CCL28: variants seen among roughly 807,000 people sequenced by gnomAD.
CCL28 encodes C-C motif chemokine 28.
In CCL28, 4 loss-of-function variants were observed where a neutral mutation model predicts 7.1. The ratio of observed to expected loss-of-function variants is 0.56; its 90% CI spans 0.28 to 1.29. The LOEUF (loss-of-function observed/expected upper bound fraction) is 1.29. Among genes scored for constraint, CCL28 ranks in the 50% most tolerant of loss-of-function variants. The pLI is 0.11. For synonymous variants in CCL28, 55 were observed against 57.8 expected (o/e 0.95, Z 0.22); for missense variants, 151 against 163.4 (o/e 0.92, Z 0.41).
chr5:43,363,007 C>G, the CCL28 span, among the ~76,000 whole-genome samples: 4 of 152,202 alleles, frequency 2.6e-5, no homozygotes, highest in African/African-American at 7.2e-5. Context: ...TTGGGGTGCA[C>G]ATACACTAAC....
chr5:43,357,005 C>A, the CCL28 span, among the ~76,000 whole-genome samples: 4 of 152,198 alleles, frequency 2.6e-5, no homozygotes, highest in Non-Finnish European at 5.9e-5. Context: ...TTGCTCACCT[C>A]TGCAGGTTAG....
At chr5:43,403,059 GC>G (rs2111873962) in intron 1 of CCL28, among the ~76,000 whole-genome samples, 1 of 152,350 alleles carries the variant, frequency 6.6e-6, no homozygotes, top group South Asian at 2.1e-4. Context: ...AGGCCTGCCT[GC>G]CTCTGTAGAC....
intron 1 of CCL28, among the ~76,000 whole-genome samples, chr5:43,389,900 TG>T (rs1740502807): frequency 6.6e-6 from 1 of 152,208 alleles, no homozygotes; most frequent in African/African-American, 2.4e-5. Context: ...GAATGTAAAC[TG>T]GGTAGTTCCG....
At chr5:43,393,352 T>C (rs1740661368) in intron 1 of CCL28, among the ~76,000 whole-genome samples, 1 of 151,738 alleles carries the variant, frequency 6.6e-6, no homozygotes, top group Non-Finnish European at 1.5e-5. Flanking sequence ...TTCCGTTTTT[T>C]TTTTTCTTTT....
intron 1 of CCL28, chr5:43,397,397 A>C: frequency 6.8e-6 from 1 of 146,678 alleles, no homozygotes; most frequent in Non-Finnish European, 1.5e-5. Flanking sequence ...TGTTATTGGG[A>C]TTATGCCAGT....
the CCL28 span, among the ~76,000 whole-genome samples, chr5:43,360,185 T>C: frequency 2.6e-5 from 4 of 152,272 alleles, no homozygotes; most frequent in South Asian, 6.2e-4. Flanking sequence ...AAAACTCAAA[T>C]GTCAACATTG....
At chr5:43,383,197 A>G (rs1421887928) in intron 2 of CCL28, among the ~76,000 whole-genome samples, 1 of 152,192 alleles carries the variant, frequency 6.6e-6, no homozygotes, top group East Asian at 1.9e-4. Context: ...TAACTAGAAT[A>G]ATTTTTTTTG....
chr5:43,377,431 G>A (rs1739921405), downstream of CCL28: 1 of 151,118 alleles, frequency 6.6e-6, no homozygotes, highest in African/African-American at 2.4e-5. Context: ...GGCAAAGGTT[G>A]GGGTGAACTG....
rs1740027227 is a variant in CCL28, at chr5:43,379,725, T to A, written c.*2135A>T. On this transcript the variant is annotated 3_prime_UTR_variant, in exon 3 of 3. Transcript: ENST00000361115. ...CCACCTGATAAAGTGGCTCCTGCTC[T>A]CTATTGGCTTCTTATGAACACTACT... is the stretch of plus-strand genomic sequence containing the variant. The A allele has an allele frequency of 6.6e-6, 1 of 152,190 alleles. No homozygotes were observed. Among genetic ancestry groups the A allele is most frequent in the African/African-American group, 2.4e-5 (1 of 41,438 alleles). The allele number at this position is 152,190 out of a possible 1,614,324, so 9.4% of individuals were successfully genotyped here. A position where few individuals can be genotyped will look rare whatever the true frequency, so the allele number is the denominator to read the frequency against.
chr5:43,392,394 G>A (rs1740610358), intron 1 of CCL28, among the ~76,000 whole-genome samples: 1 of 152,182 alleles, frequency 6.6e-6, no homozygotes, highest in African/African-American at 2.4e-5. Context: ...TGAGATTACA[G>A]GTGTGAGCCA....
chr5:43,374,780 C>CA (rs10540720), downstream of CCL28, among the ~76,000 whole-genome samples: 2,012 of 109,294 alleles, frequency 0.018, 42 homozygotes, highest in African/African-American at 0.055. Flanking sequence ...GACTCTGTCT[C>CA]AAAAAAAAAA....
At chr5:43,402,544 C>T (rs1266538347) in intron 1 of CCL28, among the ~76,000 whole-genome samples, 3 of 152,114 alleles carry the variant, frequency 2.0e-5, no homozygotes, top group East Asian at 1.9e-4. Context: ...TGGTGTGTGC[C>T]GGTTCCAAGA....
chr5:43,391,980 CT>C (rs1223815948), intron 1 of CCL28, among the ~76,000 whole-genome samples: 1 of 152,132 alleles, frequency 6.6e-6, no homozygotes, highest in East Asian at 1.9e-4. Context: ...CTCCTTGGGG[CT>C]TGTGTGAGAA....
chr5:43,383,527 G>A (rs1740207075), intron 2 of CCL28, among the ~76,000 whole-genome samples: 1 of 151,996 alleles, frequency 6.6e-6, no homozygotes, highest in Non-Finnish European at 1.5e-5. Flanking sequence ...TGAAAGAAGT[G>A]GAGCATCTTA....
intron 1 of CCL28, among the ~76,000 whole-genome samples, chr5:43,391,294 A>T (rs1339619826): frequency 6.6e-6 from 1 of 152,226 alleles, no homozygotes; most frequent in African/African-American, 2.4e-5. Flanking sequence ...AAAAAGGCAG[A>T]TTCATGCAAA....
At chr5:43,408,804 A>G (rs1741412249) in intron 1 of CCL28, among the ~76,000 whole-genome samples, 2 of 152,074 alleles carry the variant, frequency 1.3e-5, no homozygotes, top group Admixed American at 1.3e-4. Context: ...TTGAAAATAC[A>G]CTAAGTATTT....
At chr5:43,408,674 C>A (rs963427643) in intron 1 of CCL28, among the ~76,000 whole-genome samples, 46 of 151,952 alleles carry the variant, frequency 3.0e-4, no homozygotes, top group Non-Finnish European at 1.2e-4. Context: ...TGTGGGTTCA[C>A]ATTGCTAAAT....
intron 1 of CCL28, among the ~76,000 whole-genome samples, chr5:43,405,555 A>G (rs910951320): frequency 2.6e-5 from 4 of 152,238 alleles, no homozygotes; most frequent in Non-Finnish European, 5.9e-5. Context: ...GAAAGATCTA[A>G]AATTGACACC....
At chr5:43,362,391 G>A in the CCL28 span, among the ~76,000 whole-genome samples, 6 of 152,144 alleles carry the variant, frequency 3.9e-5, no homozygotes, top group African/African-American at 1.2e-4. Context: ...TTTGGGCCAA[G>A]ACTATGGGGT....
Sources: allele counts gnomAD v4.1 joint callset (sites outside exome capture counted in the v4.1 genomes callset), GRCh38; gene constraint gnomAD v4.1.1; transcripts MANE v1.5; gene names NCBI Gene and HGNC (gene_info 2026-07-23, HGNC 2026-07-21).